Variants in RNF17 observed in about 807,000 individuals in gnomAD.
The protein encoded by RNF17 is spermatogenesis associated 23.
In RNF17, 31 loss-of-function variants were observed where a neutral mutation model predicts 200.5. That is an observed-to-expected ratio of 0.15 (90% CI 0.12 to 0.21). RNF17 has a LOEUF of 0.21. RNF17 is among the 10% of genes least tolerant of loss of function. RNF17 has a pLI of 1.00. For synonymous variants in RNF17, 606 were observed against 637.8 expected (o/e 0.95, Z 0.75); for missense variants, 1,628 against 1,905.1 (o/e 0.85, Z 2.71).
chr13:24,838,753 A>C lies in RNF17; in HGVS notation c.2483-3288A>C, dbSNP rs545091567. On this transcript the variant is annotated intron_variant, in intron 18 of 35. Coordinates refer to ENST00000255324, the MANE Select transcript of RNF17 (RefSeq NM_031277.3). ...AAAGTTGAAAGCATTCCCTCTGAGA[A>C]GTGGAACAAGACAAGGATGCCCACT... Among the ~76,000 whole-genome samples, 4 of 152,326 alleles carry C rather than the reference A, an allele frequency of 2.6e-5. No homozygotes were observed. The South Asian group carries it at 8.3e-4, about 32-fold the overall frequency.
At chr13:24,759,603 CT>C (rs1878518096), upstream of RNF17, among the ~76,000 whole-genome samples, 1 of 152,252 alleles carries the variant, frequency 6.6e-6, no homozygotes, top group East Asian at 1.9e-4. Flanking sequence ...GCAGGGTAAA[CT>C]TTCTCAGAAA....
the RNF17 span, among the ~76,000 whole-genome samples, chr13:24,749,291 T>TC: frequency 2.0e-5 from 2 of 99,628 alleles, no homozygotes; most frequent in African/African-American, 7.4e-5. Flanking sequence ...GAACTTTCTT[T>TC]TTTCTTTCTT....
Position 24,831,940 on chromosome 13 carries a change from A to T in RNF17, c.2444A>T (p.Glu815Val), listed in dbSNP as rs773211678. 24 of 1,600,722 alleles carry T rather than the reference A, an allele frequency of 1.5e-5. No individual in the cohort carries two copies. Among genetic ancestry groups the T allele is most frequent in the Non-Finnish European group, 4.3e-6 (5 of 1,169,890 alleles). The change falls in exon 18 of 36, where the codon GAA becomes GTA. Residue 815 changes from glutamate to valine, a missense_variant. Glu to Val is a moderately radical substitution (Grantham distance 121). Around this residue, in one of 5 missense-constraint regions of RNF17, gnomAD observed 227 missense variants for 319.8 expected, o/e 0.71. Coordinates refer to ENST00000255324, the MANE Select transcript of RNF17 (RefSeq NM_031277.3). ...AAAGAAGCTAAAGAAAAATTTGAAG[A>T]AAAGGCTCAAGATAAATTTATGACA... ...WSKEAKEKFE[E>V]KAQDKFMTCS...
intron 15 of RNF17, among the ~76,000 whole-genome samples, chr13:24,811,475 C>A (rs1298006675): frequency 6.6e-6 from 1 of 152,142 alleles, no homozygotes; most frequent in Non-Finnish European, 1.5e-5. Flanking sequence ...GTTCTTGAGC[C>A]TTGGTTTTCA....
chr13:24,759,125 G>C, the RNF17 span, among the ~76,000 whole-genome samples: 570 of 142,302 alleles, frequency 4.0e-3, 7 homozygotes, highest in East Asian at 0.056. Context: ...TTCTAAATTA[G>C]AATTGAGTGG....
chr13:24,829,793 A>T (rs930987238), intron 16 of RNF17, among the ~76,000 whole-genome samples: 3 of 152,160 alleles, frequency 2.0e-5, no homozygotes, highest in Non-Finnish European at 4.4e-5. Context: ...ACTTCCAGAG[A>T]TTTCTTTAAA....
intron 32 of RNF17, 127 bp from the exon 33 acceptor site, chr13:24,873,987 T>G: frequency 1.2e-6 from 1 of 861,394 alleles, no homozygotes; most frequent in Non-Finnish European, 1.8e-6. Flanking sequence ...ATTCCGTATC[T>G]TGGCTATTGT....
rs1040698082 is a variant in RNF17, at chr13:24,830,495, C to T, written c.2257C>T (p.His753Tyr). Reference protein sequence around the residue: ...YRAKVIGLPGHQEVEVKYVDF... With the variant: ...YRAKVIGLPGYQEVEVKYVDF... ...CATAATTTTTCAAGGATTGCCTGGA[C>T]ATCAGGAAGTTGAAGTTAAATATGT... is the stretch of plus-strand genomic sequence containing the variant. Residue 753 changes from histidine (H) to tyrosine (Y), a missense_variant, in exon 17 of 36, where the codon CAT (histidine) becomes TAT (tyrosine). His to Tyr is a moderately conservative substitution (Grantham distance 83). This residue lies in a region of RNF17 where 289 missense variants were observed against 384.9 expected (regional missense o/e 0.75). Coordinates refer to ENST00000255324, the MANE Select transcript of RNF17 (RefSeq NM_031277.3). 4.4e-6 allele frequency: 7 copies of T among 1,591,298 alleles called. No individual in the cohort carries two copies. In the East Asian group the frequency reaches 1.6e-4, roughly 36 times the overall value.
At chr13:24,762,251 T>A (rs1878812221), upstream of RNF17, among the ~76,000 whole-genome samples, 1 of 151,584 alleles carries the variant, frequency 6.6e-6, no homozygotes, top group Non-Finnish European at 1.5e-5. Flanking sequence ...GCGCCTGTAG[T>A]CCCAGTTACT....
At chr13:24,810,791 T>C (rs1886500191) in intron 15 of RNF17, among the ~76,000 whole-genome samples, 1 of 149,444 alleles carries the variant, frequency 6.7e-6, no homozygotes, top group East Asian at 2.0e-4. Context: ...GGTTGTTCCT[T>C]TCCATGTTTA....
At chr13:24,757,309 C>T in the RNF17 span, among the ~76,000 whole-genome samples, 1 of 150,738 alleles carries the variant, frequency 6.6e-6, no homozygotes, top group African/African-American at 2.4e-5. Context: ...AGGGCTCTGC[C>T]AGGACAATAT....
At chr13:24,791,907 G>A (rs1045163433) in intron 9 of RNF17, among the ~76,000 whole-genome samples, 3 of 152,076 alleles carry the variant, frequency 2.0e-5, no homozygotes, top group African/African-American at 7.2e-5. Context: ...TTGAATAAAG[G>A]GAATAAAATT....
chr13:24,811,757 C>A (rs985128826), intron 15 of RNF17, among the ~76,000 whole-genome samples: 4 of 151,946 alleles, frequency 2.6e-5, no homozygotes, highest in African/African-American at 9.7e-5. Flanking sequence ...TCTGTTTTTT[C>A]CCCATCTTTG....
At chr13:24,766,305 C>A (rs1879683221) in intron 1 of RNF17, among the ~76,000 whole-genome samples, 1 of 152,200 alleles carries the variant, frequency 6.6e-6, no homozygotes, top group African/African-American at 2.4e-5. Context: ...TGATTTTTAT[C>A]TAGTTTTTTT....
rs773571992 is a variant in RNF17, at chr13:24,781,847, C to T, written c.514C>T (p.Leu172Phe). ...GTCTTGTTTTTTTTTTTTCCAGGCA[C>T]TTGAACACATGCAGAAGCAAACGAT... Reference protein sequence around the residue: ...FEQLSIAGKALEHMQKQTIEE... With the variant: ...FEQLSIAGKAFEHMQKQTIEE... Residue 172 changes from leucine (L) to phenylalanine (F), a missense_variant, in exon 6 of 36, where the codon CTT (leucine) becomes TTT (phenylalanine). By Grantham distance (22) the Leu-to-Phe change is conservative. Coordinates refer to ENST00000255324, the MANE Select transcript of RNF17 (RefSeq NM_031277.3). 1 of 1,591,334 alleles carries T rather than the reference C, an allele frequency of 6.3e-7. No individual in the cohort carries two copies. The highest frequency in any genetic ancestry group is 8.5e-7 in the Non-Finnish European group (1 of 1,171,752).
downstream of RNF17, chr13:24,882,333 T>C (rs1296376123): frequency 6.6e-6 from 1 of 151,602 alleles, no homozygotes; most frequent in African/African-American, 2.4e-5. Context: ...AATTGATAGA[T>C]TTCATTAACA....
chr13:24,767,354 C>T lies in RNF17; in HGVS notation c.213C>T (p.Cys71=). The change falls in exon 2 of 36, where the codon TGC becomes TGT. Residue 71 remains cysteine, a synonymous_variant. Transcript: ENST00000255324. ...CTGAAGAATGCACCACAATTATATG[C>T]CCTGATTGTGAGGTAAGTGTTATAA... ...LMTEECTTII[C]PDCEVATAVN... is the part of the protein sequence containing the mutation. 1 of 1,595,092 alleles carries T rather than the reference C, an allele frequency of 6.3e-7. No individual in the cohort carries two copies. The highest frequency in any genetic ancestry group is 8.6e-7 in the Non-Finnish European group (1 of 1,163,026).
intron 29 of RNF17, among the ~76,000 whole-genome samples, chr13:24,865,750 T>C (rs952094356): frequency 2.0e-5 from 3 of 152,302 alleles, no homozygotes; most frequent in South Asian, 4.1e-4. Flanking sequence ...CAGCTTTTTC[T>C]TTAAAGCAGA....
At chr13:24,827,161 A>G (rs1334960281) in intron 16 of RNF17, among the ~76,000 whole-genome samples, 1 of 151,684 alleles carries the variant, frequency 6.6e-6, no homozygotes, top group Admixed American at 6.6e-5. Flanking sequence ...CAGACTCCTG[A>G]CCTCGAGTGA....
Sources: gnomAD v4.1 joint callset for allele counts (sites outside exome capture counted in the v4.1 genomes callset) on GRCh38, gnomAD v4.1.1 for gene constraint, gnomAD v4.1.1 regional missense constraint, MANE v1.5 for transcripts, NCBI Gene and HGNC (gene_info 2026-07-23, HGNC 2026-07-21) for gene names.